TRHDE: variants seen among roughly 807,000 people sequenced by gnomAD.
TRHDE encodes the protein thyrotropin releasing hormone degrading enzyme.
In TRHDE, 72 loss-of-function variants were observed where a neutral mutation model predicts 125.7. The observed-to-expected ratio is 0.57, with a 90% CI of 0.47 to 0.70. The LOEUF is 0.70. Among genes scored for constraint, TRHDE ranks in the 30% least tolerant of loss-of-function variants. The pLI, the probability that TRHDE is intolerant of heterozygous loss-of-function variation, is 0.00. For synonymous variants in TRHDE, 509 were observed against 509.1 expected (o/e 1.00, Z 0.00); for missense variants, 1,110 against 1,327.1 (o/e 0.84, Z 2.54).
At chr12:72,593,189 C>T (rs951359517) in intron 12 of TRHDE, among the ~76,000 whole-genome samples, 5 of 152,260 alleles carry the variant, frequency 3.3e-5, no homozygotes, top group African/African-American at 1.2e-4. Context: ...TGTGTTTCCA[C>T]ATGTTTTTTG....
chr12:72,650,230 A>G (rs751882076), intron 15 of TRHDE, among the ~76,000 whole-genome samples: 1 of 152,116 alleles, frequency 6.6e-6, no homozygotes, highest in African/African-American at 2.4e-5. Context: ...AATATTGACA[A>G]TATTTATGAA....
chr12:72,512,414 C>T (rs1276827810), intron 6 of TRHDE, among the ~76,000 whole-genome samples: 18 of 114,022 alleles, frequency 1.6e-4, no homozygotes, highest in Admixed American at 7.9e-4. Context: ...ATAATTATAA[C>T]TATATAATAT....
At chr12:72,435,421 C>T (rs1043408140) in intron 3 of TRHDE, among the ~76,000 whole-genome samples, 4 of 152,016 alleles carry the variant, frequency 2.6e-5, no homozygotes, top group South Asian at 4.1e-4. Context: ...GGGAGTTAGA[C>T]GATATCTAAA....
chr12:72,190,738 A>T (rs1318982377), intron 2 of TRHDE, among the ~76,000 whole-genome samples: 2 of 152,206 alleles, frequency 1.3e-5, no homozygotes, highest in Non-Finnish European at 2.9e-5. Flanking sequence ...TGGCCACACC[A>T]GGATCAGTGG....
At chr12:72,135,504 A>G (rs1321667830) in intron 2 of TRHDE, among the ~76,000 whole-genome samples, 19 of 151,726 alleles carry the variant, frequency 1.3e-4, no homozygotes, top group Admixed American at 1.2e-3. Context: ...ATAACTGTCT[A>G]CTGGGACAAC....
chr12:72,163,590 T>C (rs1443565840), intron 2 of TRHDE, among the ~76,000 whole-genome samples: 1 of 152,206 alleles, frequency 6.6e-6, no homozygotes, highest in Non-Finnish European at 1.5e-5. Flanking sequence ...TCTAAATTCA[T>C]GATATGGACA....
At chr12:72,117,442 G>C (rs1309708013) in intron 2 of TRHDE, among the ~76,000 whole-genome samples, 1 of 152,062 alleles carries the variant, frequency 6.6e-6, no homozygotes, top group Non-Finnish European at 1.5e-5. Flanking sequence ...CTATGTGTCT[G>C]ATTTTATGCC....
rs901241751 is a variant in TRHDE, at chr12:72,666,970, A to C, written c.*3775A>C. 2.6e-5 allele frequency: 4 copies of C among 152,050 alleles called. No individual in the cohort carries two copies. The highest frequency in any genetic ancestry group is 9.7e-5 in the African/African-American group (4 of 41,450). 9.4% of individuals were successfully genotyped at this position (152,050 alleles called of 1,614,324 possible). ...ATTTTCAACACAAATTTATCTGACA[A>C]ATTCTGTCTATAGTAACAGATGGTC... On this transcript the variant is annotated 3_prime_UTR_variant, in exon 19 of 19. Coordinates refer to ENST00000261180, the MANE Select transcript of TRHDE (RefSeq NM_013381.3).
At chr12:72,098,696 C>T (rs990352314) in intron 1 of TRHDE, among the ~76,000 whole-genome samples, 2 of 152,136 alleles carry the variant, frequency 1.3e-5, no homozygotes, top group Admixed American at 1.3e-4. Flanking sequence ...TGTCTAGTCA[C>T]TGGAAGATGA....
At chr12:72,198,401 G>A (rs1007734925) in intron 2 of TRHDE, among the ~76,000 whole-genome samples, 7 of 151,840 alleles carry the variant, frequency 4.6e-5, no homozygotes, top group African/African-American at 1.5e-4. Flanking sequence ...ATGAGGACAG[G>A]GATTATACTA....
At position 72,406,886 on chromosome 12, in the gene TRHDE, A is replaced by G. The variant is rs1251308275; in HGVS notation, c.1315+28765A>G. On this transcript the variant is annotated intron_variant, in intron 3 of 18. Transcript: ENST00000261180. ...AAATTTTCATAATTTGTTTTTCATT[A>G]TGACAAATGATATCAAAGTGTACAG... 2.6e-5 allele frequency among the ~76,000 whole-genome samples: 4 copies of G among 152,328 alleles called. No homozygotes were observed. In the East Asian group the frequency reaches 5.8e-4, roughly 22 times the overall value.
chr12:72,218,132 T>A (rs774289410), intron 2 of TRHDE, among the ~76,000 whole-genome samples: 1 of 152,084 alleles, frequency 6.6e-6, no homozygotes, highest in African/African-American at 2.4e-5. Flanking sequence ...ATGTGAGTTA[T>A]AGATAATATA....
At chr12:72,342,572 A>G (rs1323058205) in intron 2 of TRHDE, among the ~76,000 whole-genome samples, 1 of 152,126 alleles carries the variant, frequency 6.6e-6, no homozygotes, top group Non-Finnish European at 1.5e-5. Flanking sequence ...TTTTATTTTC[A>G]TTAACTAGTG....
intron 2 of TRHDE, chr12:72,140,345 C>G (rs1421720818): frequency 6.6e-6 from 1 of 152,316 alleles, no homozygotes; most frequent in African/African-American, 2.4e-5. Flanking sequence ...AATTACAAAT[C>G]AGATAATCTT....
At chr12:72,265,550 C>T (rs1879047608) in intron 2 of TRHDE, among the ~76,000 whole-genome samples, 1 of 150,980 alleles carries the variant, frequency 6.6e-6, no homozygotes, top group East Asian at 1.9e-4. Flanking sequence ...ACCCCACCCC[C>T]CCAGAAAAAA....
chr12:72,408,321 G>A (rs939265928), intron 3 of TRHDE, among the ~76,000 whole-genome samples: 1 of 152,290 alleles, frequency 6.6e-6, no homozygotes, highest in African/African-American at 2.4e-5. Context: ...TCTCAGAAAA[G>A]TTATAGCCAC....
At chr12:72,202,538 T>A (rs999819010) in intron 2 of TRHDE, among the ~76,000 whole-genome samples, 3 of 152,234 alleles carry the variant, frequency 2.0e-5, no homozygotes, top group African/African-American at 7.2e-5. Context: ...TAGCTTCACT[T>A]CTTCTAGTTC....
intron 2 of TRHDE, among the ~76,000 whole-genome samples, chr12:72,166,427 A>T (rs1484717620): frequency 2.0e-5 from 3 of 152,168 alleles, no homozygotes; most frequent in Admixed American, 6.5e-5. Context: ...CACACATGCC[A>T]TACTCTCTGT....
intron 2 of TRHDE, among the ~76,000 whole-genome samples, chr12:72,141,225 T>G (rs138697303): frequency 6.6e-6 from 1 of 152,166 alleles, no homozygotes; most frequent in African/African-American, 2.4e-5. Context: ...GCTATTTTTT[T>G]CCCCCTGACT....
Sources: allele counts gnomAD v4.1 joint callset (sites outside exome capture counted in the v4.1 genomes callset), GRCh38; gene constraint gnomAD v4.1.1; transcripts MANE v1.5; gene names NCBI Gene and HGNC (gene_info 2026-07-23, HGNC 2026-07-21).